The following P3H2 variants were observed in gnomAD, a reference collection of about 807,000 sequenced individuals.
P3H2 encodes prolyl 3-hydroxylase 2, also known as leprecan-like 1.
Under a neutral mutation model 87.0 loss-of-function variants are expected in P3H2, and 80 were observed. The observed-to-expected ratio is 0.92, with a 90% CI of 0.77 to 1.11. The LOEUF is 1.11. Ranked by LOEUF, P3H2 falls within the 50% of genes least tolerant of loss-of-function variation. The pLI is 0.00. For synonymous variants in P3H2, 367 were observed against 359.3 expected (o/e 1.02, Z -0.24); for missense variants, 1,001 against 923.9 (o/e 1.08, Z -1.08).
At chr3:190,115,614 A>AG (rs2108526762) in intron 1 of P3H2, among the ~76,000 whole-genome samples, 1 of 152,340 alleles carries the variant, frequency 6.6e-6, no homozygotes, top group South Asian at 2.1e-4. Context: ...GGGGTGGGAA[A>AG]GGGGGTGAAA....
intron 1 of P3H2, among the ~76,000 whole-genome samples, chr3:190,001,077 C>T (rs710568): frequency 2.0e-5 from 3 of 152,048 alleles, no homozygotes; most frequent in African/African-American, 7.3e-5. Flanking sequence ...CATCCTTGCT[C>T]TAACAATGTT....
At chr3:190,035,172 C>CT (rs1158404101) in intron 1 of P3H2, among the ~76,000 whole-genome samples, 142 of 151,624 alleles carry the variant, frequency 9.4e-4, no homozygotes, top group African/African-American at 2.0e-3. Flanking sequence ...TTTTTCTTTT[C>CT]TTTTTTTTGG....
Position 190,058,428 on chromosome 3 carries a change from A to G in P3H2, c.480+61824T>C, listed in dbSNP as rs183424800. Among the ~76,000 whole-genome samples the G allele has an allele frequency of 2.8e-4, 43 of 152,304 alleles. No individual in the cohort carries two copies. The South Asian group carries it at 5.4e-3, about 19-fold the overall frequency. On this transcript the variant is annotated intron_variant, in intron 1 of 14. Coordinates refer to ENST00000319332, the MANE Select transcript of P3H2 (RefSeq NM_018192.4). ...ACAAGGCGAAAACTACGGAAGCCAT[A>G]GGAACTACAATGGGTTAAACTTGTG...
chr3:190,078,066 G>C (rs1362854011), intron 1 of P3H2, among the ~76,000 whole-genome samples: 1 of 152,190 alleles, frequency 6.6e-6, no homozygotes, highest in African/African-American at 2.4e-5. Context: ...AGAGATGAAA[G>C]TATTGATGGG....
intron 1 of P3H2, among the ~76,000 whole-genome samples, chr3:190,106,986 A>C (rs886637281): frequency 2.0e-5 from 3 of 152,226 alleles, no homozygotes; most frequent in Admixed American, 1.3e-4. Context: ...GTCATAGAAC[A>C]TAACTGTCTT....
At chr3:190,023,007 T>C (rs1724977387) in intron 1 of P3H2, among the ~76,000 whole-genome samples, 1 of 151,262 alleles carries the variant, frequency 6.6e-6, no homozygotes, top group Non-Finnish European at 1.5e-5. Flanking sequence ...TTTGTATTTT[T>C]AGTAGAGACG....
chr3:190,109,953 AT>A (rs1234208322), intron 1 of P3H2, among the ~76,000 whole-genome samples: 1 of 150,848 alleles, frequency 6.6e-6, no homozygotes, highest in Admixed American at 6.6e-5. Context: ...GGTTCAAGCA[AT>A]TCTCCCACCT....
chr3:189,997,362 G>A (rs116826435), intron 1 of P3H2, among the ~76,000 whole-genome samples: 2,053 of 152,276 alleles, frequency 0.013, 22 homozygotes, highest in Non-Finnish European at 0.022. Flanking sequence ...ATTAGTTATC[G>A]TTTTCATGGT....
At chr3:190,093,679 G>C (rs1727484765) in intron 1 of P3H2, among the ~76,000 whole-genome samples, 1 of 152,090 alleles carries the variant, frequency 6.6e-6, no homozygotes, top group Non-Finnish European at 1.5e-5. Flanking sequence ...ATGTGACTGA[G>C]TGGAAGAAAA....
At chr3:189,960,122 G>A (rs1722768853) in intron 14 of P3H2, among the ~76,000 whole-genome samples, 1 of 151,878 alleles carries the variant, frequency 6.6e-6, no homozygotes, top group African/African-American at 2.4e-5. Flanking sequence ...CTTGTCCTCT[G>A]CCTGGAATAC....
rs60227697 is a variant in P3H2 at position 190,071,978 on chromosome 3, G to GT, written c.480+48273dup. 7.3e-3 allele frequency among the ~76,000 whole-genome samples: 866 copies of GT among 119,198 alleles called. 14 individuals are homozygous for GT. Among genetic ancestry groups the GT allele is most frequent in the South Asian group, 9.7e-3 (35 of 3,616 alleles). The allele number at this position is 119,198 out of a possible 152,430, so 78.2% of individuals were successfully genotyped here. Reference sequence around the variant, plus strand: ...AATGCATATTAAAACAAGATGAAGGGTTTTTTTTTTTTTTTTTTTTGAGGC... The same window carrying GT: ...AATGCATATTAAAACAAGATGAAGGGTTTTTTTTTTTTTTTTTTTTTGAGGC... On this transcript the variant is annotated intron_variant, in intron 1 of 14. Coordinates refer to ENST00000319332, the MANE Select transcript of P3H2 (RefSeq NM_018192.4).
At chr3:190,051,313 T>C (rs1346124544) in intron 1 of P3H2, among the ~76,000 whole-genome samples, 1 of 151,944 alleles carries the variant, frequency 6.6e-6, no homozygotes, top group East Asian at 1.9e-4. Flanking sequence ...TTGTTTTTTC[T>C]CTATAAAAAA....
intron 1 of P3H2, among the ~76,000 whole-genome samples, chr3:190,031,666 A>G (rs574308755): frequency 6.6e-6 from 1 of 152,264 alleles, no homozygotes; most frequent in African/African-American, 2.4e-5. Context: ...ATTTCTGTTA[A>G]TATCTTAATA....
At chr3:190,044,260 T>A (rs765713) in intron 1 of P3H2, among the ~76,000 whole-genome samples, 4,585 of 152,302 alleles carry the variant, frequency 0.03, 237 homozygotes, top group African/African-American at 0.1. Flanking sequence ...CAGATGCTCA[T>A]TGCCTTCTCA....
intron 1 of P3H2, among the ~76,000 whole-genome samples, chr3:190,095,597 CTT>C (rs68094675): frequency 4.2e-4 from 56 of 131,814 alleles, no homozygotes; most frequent in South Asian, 7.4e-4. Context: ...GTTGTGATTC[CTT>C]TTTTTTTTTT....
At position 189,966,551 on chromosome 3, in the gene P3H2, A is replaced by G. The variant is rs1374348102; in HGVS notation, c.1894-2453T>C. ...TGTTACATGTCAGGTATTTGGAGGA[A>G]TAAACAAGCTTTAGTGAACCTGCTT... On this transcript the variant is annotated intron_variant, in intron 13 of 14. Transcript: ENST00000319332. 2.0e-5 allele frequency among the ~76,000 whole-genome samples: 3 copies of G among 152,236 alleles called. No individual in the cohort carries two copies. The East Asian group carries it at 5.8e-4, about 29-fold the overall frequency.
intron 13 of P3H2, chr3:189,969,498 G>A: frequency 1.0e-6 from 1 of 990,034 alleles, no homozygotes; most frequent in Non-Finnish European, 1.6e-6. Context: ...TAGAGGGACT[G>A]AGGTCTCATA....
At chr3:190,099,901 A>C (rs2108990922) in intron 1 of P3H2, among the ~76,000 whole-genome samples, 1 of 152,230 alleles carries the variant, frequency 6.6e-6, no homozygotes, top group Middle Eastern at 3.4e-3. Flanking sequence ...TGAGTGATGA[A>C]AACTAAAATA....
At chr3:189,969,860 A>G (rs1298363852) in intron 13 of P3H2, 20 of 1,380,858 alleles carry the variant, frequency 1.4e-5, no homozygotes, top group Non-Finnish European at 2.0e-5. Context: ...GCTTGAGGCC[A>G]TGTCCGCACA....
Sources: gnomAD v4.1 joint callset for allele counts (sites outside exome capture counted in the v4.1 genomes callset) on GRCh38, gnomAD v4.1.1 for gene constraint, MANE v1.5 for transcripts, NCBI Gene and HGNC (gene_info 2026-07-23, HGNC 2026-07-21) for gene names.